The following SDK2 variants were observed in gnomAD, a reference collection of about 807,000 sequenced individuals.
SDK2 encodes protein sidekick-2.
A neutral mutation model predicts 253.9 loss-of-function variants in SDK2; 105 were observed. The ratio of observed to expected loss-of-function variants is 0.41; its 90% confidence interval spans 0.35 to 0.49. The LOEUF (loss-of-function observed/expected upper bound fraction) is 0.49, where lower values mean the gene tolerates loss of function less well. Ranked by LOEUF, SDK2 falls within the 20% of genes least tolerant of loss-of-function variation. SDK2 has a pLI of 0.06. For synonymous variants in SDK2, 1,249 were observed against 1,234.9 expected (o/e 1.01, Z -0.24); for missense variants, 2,608 against 3,003.0 (o/e 0.87, Z 3.07).
intron 1 of SDK2, among the ~76,000 whole-genome samples, chr17:73,527,574 G>A (rs1006575194): frequency 6.6e-6 from 1 of 152,174 alleles, no homozygotes; most frequent in Admixed American, 6.5e-5. Context: ...GCCTGCACTG[G>A]CCTCATTAGT....
rs2062814457 is a variant in SDK2, at chr17:73,379,652, C to A, written c.4763-103G>T. ...GGCTGCAGGGGGAGGAATGAGGCAC[C>A]CCCGCCATTCTAGCCCCCTCTGTGA... On this transcript the variant is annotated intron_variant, in intron 34 of 44. Coordinates refer to ENST00000392650, the MANE Select transcript of SDK2 (RefSeq NM_001144952.2). The surrounding 1 kb of genome is among the most constrained non-coding windows in gnomAD (Gnocchi z 4.5). 2.8e-6 allele frequency: 2 copies of A among 703,532 alleles called. No individual in the cohort carries two copies. Among genetic ancestry groups the A allele is most frequent in the East Asian group, 2.7e-5 (1 of 36,978 alleles). The allele number at this position is 703,532 out of a possible 1,614,324, so 43.6% of individuals were successfully genotyped here. A position where few individuals can be genotyped will look rare whatever the true frequency, so the allele number is the denominator to read the frequency against.
chr17:73,602,264 A>T (rs2045852522), intron 1 of SDK2, among the ~76,000 whole-genome samples: 1 of 152,174 alleles, frequency 6.6e-6, no homozygotes, highest in Non-Finnish European at 1.5e-5. Flanking sequence ...CCAGAGACTG[A>T]GAAGGAGCCC....
chr17:73,644,286 G>C lies in SDK2; in HGVS notation c.-198C>G, dbSNP rs568854072. ...TTCCTCCTCTTCTGTACTAGTCCGA[G>C]CCCGGCAGCGCGCCCGGAAGGCGAG... On this transcript the variant is annotated 5_prime_UTR_variant, in exon 1 of 45. Coordinates refer to ENST00000392650, the MANE Select transcript of SDK2 (RefSeq NM_001144952.2). This position sits in a 1 kb window ranked among gnomAD's most constrained non-coding sequence, Gnocchi z 6.3. 6.6e-6 allele frequency among the ~76,000 whole-genome samples: 1 copy of C among 152,316 alleles called. No individual in the cohort carries two copies. The highest frequency in any genetic ancestry group is 1.5e-5 in the Non-Finnish European group (1 of 68,014).
chr17:73,490,442 C>G (rs1448740478), intron 2 of SDK2, among the ~76,000 whole-genome samples: 1 of 151,424 alleles, frequency 6.6e-6, no homozygotes, highest in African/African-American at 2.4e-5. Flanking sequence ...CTTAGGCAAG[C>G]TGCCTAATCT....
chr17:73,338,734 G>T lies in SDK2; in HGVS notation c.6372C>A (p.Gly2124=), dbSNP rs982092760. Residue 2124 remains glycine, a synonymous_variant, in exon 45 of 45, where the codon GGC becomes GGA. Coordinates refer to ENST00000392650, the MANE Select transcript of SDK2 (RefSeq NM_001144952.2). This position sits in a 1 kb window ranked among gnomAD's most constrained non-coding sequence, Gnocchi z 5.0. Reference sequence around the variant, plus strand: ...GACTGGCCTTGGGCCGAAAGAGGCTGCCCTGCTGGGTGCTGGTGCTGTTGG... The same window carrying T: ...GACTGGCCTTGGGCCGAAAGAGGCTTCCCTGCTGGGTGCTGGTGCTGTTGG... ...TVTNSTSTQQ[G]SLFRPKASRT... The T allele has an allele frequency of 1.8e-5, 29 of 1,613,380 alleles. No individual in the cohort carries two copies. The highest frequency in any genetic ancestry group is 2.7e-5 in the African/African-American group (2 of 74,910).
intron 27 of SDK2, among the ~76,000 whole-genome samples, 151 bp from the exon 28 acceptor site, chr17:73,391,689 CTG>C (rs1156724728): frequency 1.3e-5 from 2 of 152,222 alleles, no homozygotes; most frequent in East Asian, 3.8e-4. Flanking sequence ...GTGCCTGACA[CTG>C]TGTTAGGAGC....
rs138598046 is a variant in SDK2, at chr17:73,486,447, A to G, written c.225-14229T>C. On this transcript the variant is annotated intron_variant, in intron 2 of 44. Transcript: ENST00000392650. ...AACATAGCAAGAATCTATCTCTACCAAAAAATAAAACAATTAGCCAAGTGT... is the reference window on the plus strand; with the variant it reads ...AACATAGCAAGAATCTATCTCTACCGAAAAATAAAACAATTAGCCAAGTGT... Among the ~76,000 whole-genome samples the G allele has an allele frequency of 7.3e-3, 1,110 of 152,096 alleles. 7 individuals are homozygous for G. Among genetic ancestry groups the G allele is most frequent in the Middle Eastern group, 0.048 (14 of 294 alleles).
Position 73,618,869 on chromosome 17 carries a change from A to G in SDK2, c.64+25156T>C, listed in dbSNP as rs1055030141. On this transcript the variant is annotated intron_variant, in intron 1 of 44. Transcript: ENST00000392650. This position sits in a 1 kb window ranked among gnomAD's most constrained non-coding sequence, Gnocchi z 4.1. ...ACTATGAACCCTGGACAGAACACCAAAAAAGCAACTATTAGGGCTGGGTGT... is the reference window on the plus strand; with the variant it reads ...ACTATGAACCCTGGACAGAACACCAGAAAAGCAACTATTAGGGCTGGGTGT... 1.3e-5 allele frequency among the ~76,000 whole-genome samples: 2 copies of G among 152,016 alleles called. No homozygotes were observed. The highest frequency in any genetic ancestry group is 2.9e-5 in the Non-Finnish European group (2 of 67,978).
intron 18 of SDK2, among the ~76,000 whole-genome samples, chr17:73,402,661 C>A (rs999274619): frequency 2.6e-5 from 4 of 152,042 alleles, no homozygotes; most frequent in Non-Finnish European, 5.9e-5. Flanking sequence ...TGGAGTACAG[C>A]GGCATGATCA....
chr17:73,353,477 A>G (rs1011073084), intron 40 of SDK2, among the ~76,000 whole-genome samples: 2 of 151,706 alleles, frequency 1.3e-5, no homozygotes, highest in African/African-American at 2.4e-5. Flanking sequence ...CTGGAGTGCA[A>G]TGGCAGGATC....
chr17:73,506,099 G>A (rs1009979730), intron 2 of SDK2, among the ~76,000 whole-genome samples: 11 of 152,260 alleles, frequency 7.2e-5, no homozygotes, highest in African/African-American at 2.2e-4. Context: ...CTACTTGCAC[G>A]TGTGGTATGC....
intron 1 of SDK2, among the ~76,000 whole-genome samples, chr17:73,545,675 A>T (rs921622332): frequency 2.0e-5 from 3 of 152,118 alleles, no homozygotes; most frequent in African/African-American, 7.2e-5. Context: ...TCCTCCAACC[A>T]GATTAAGGCC....
chr17:73,470,126 C>T (rs193045852), intron 3 of SDK2, among the ~76,000 whole-genome samples: 1 of 152,022 alleles, frequency 6.6e-6, no homozygotes, highest in South Asian at 2.1e-4. Context: ...TGTGTATACA[C>T]TTGCACATAC....
chr17:73,630,492 C>A (rs910782967), intron 1 of SDK2, among the ~76,000 whole-genome samples: 2 of 138,762 alleles, frequency 1.4e-5, no homozygotes, highest in African/African-American at 5.2e-5. Flanking sequence ...CCCCCAGGTT[C>A]CCCCAGGGCC....
chr17:73,398,513 G>T, intron 22 of SDK2, 84 bp from the exon 23 acceptor site: 2 of 1,218,844 alleles, frequency 1.6e-6, no homozygotes, highest in Non-Finnish European at 2.4e-6. Flanking sequence ...CCCTGCCAGG[G>T]AAGAAGTTGG....
chr17:73,385,938 G>A (rs537416500), intron 31 of SDK2, 21 bp from the exon 32 acceptor site: 1 of 1,579,472 alleles, frequency 6.3e-7, no homozygotes, highest in South Asian at 1.2e-5. Context: ...AAGCAGACAG[G>A]TGGGTTCTGG....
intron 15 of SDK2, among the ~76,000 whole-genome samples, chr17:73,420,209 A>C (rs1445721296): frequency 6.6e-6 from 1 of 152,248 alleles, no homozygotes; most frequent in Non-Finnish European, 1.5e-5. Flanking sequence ...GTTCTGCCTA[A>C]GTGTACTTTT....
intron 6 of SDK2, among the ~76,000 whole-genome samples, chr17:73,439,175 A>T (rs114511750): frequency 6.6e-6 from 1 of 152,094 alleles, no homozygotes; most frequent in African/African-American, 2.4e-5. Flanking sequence ...CTCTCTTGCC[A>T]TAAGACACGC....
At chr17:73,426,236 T>TTTC (rs2063282171) in intron 12 of SDK2, among the ~76,000 whole-genome samples, 1 of 133,468 alleles carries the variant, frequency 7.5e-6, no homozygotes, top group African/African-American at 2.9e-5. Flanking sequence ...TTTTTTTTTT[T>TTTC]CTGTATTTTT....
Sources: allele counts gnomAD v4.1 joint callset (sites outside exome capture counted in the v4.1 genomes callset), GRCh38; gene constraint gnomAD v4.1.1; non-coding constraint Gnocchi (gnomAD v3.1); transcripts MANE v1.5; gene names NCBI Gene and HGNC (gene_info 2026-07-23, HGNC 2026-07-21).